The following CACNB4 variants were observed in gnomAD, a reference collection of about 807,000 sequenced individuals.
CACNB4 encodes the protein voltage-dependent L-type calcium channel subunit beta-4.
CACNB4 carries 32 observed loss-of-function variants against 71.2 expected under a neutral mutation model. That is an observed-to-expected ratio of 0.45 (90% CI 0.34 to 0.60). The LOEUF is 0.60. Ranked by LOEUF, CACNB4 falls within the 20% of genes least tolerant of loss-of-function variation. The pLI is 0.01. For missense variants in CACNB4, 464 were observed against 647.9 expected (o/e 0.72, Z 3.08); for synonymous variants, 231 against 236.9 (o/e 0.97, Z 0.23).
intron 10 of CACNB4, 63 bp downstream of exon 10, chr2:151,860,648 G>T: frequency 3.8e-6 from 4 of 1,064,624 alleles, no homozygotes; most frequent in South Asian, 2.5e-5. Flanking sequence ...ATTCACAAAT[G>T]CACCATGTGT....
chr2:151,949,279 C>A (rs957028551), intron 2 of CACNB4, among the ~76,000 whole-genome samples: 3 of 151,684 alleles, frequency 2.0e-5, no homozygotes, highest in Non-Finnish European at 4.4e-5. Context: ...TTTCTTTTTG[C>A]CAAGCAAGGC....
chr2:152,094,714 T>G (rs1688172452), intron 2 of CACNB4, among the ~76,000 whole-genome samples: 1 of 152,234 alleles, frequency 6.6e-6, no homozygotes, highest in African/African-American at 2.4e-5. Context: ...AGGGGCTGTG[T>G]CTCATCCATC....
intron 2 of CACNB4, among the ~76,000 whole-genome samples, chr2:152,080,541 A>C (rs1450039298): frequency 6.6e-6 from 1 of 152,224 alleles, no homozygotes; most frequent in Non-Finnish European, 1.5e-5. Context: ...TGGACATTGA[A>C]AAATCTCATA....
chr2:151,854,119 G>T (rs2099839682), intron 11 of CACNB4: 2 of 152,598 alleles, frequency 1.3e-5, no homozygotes, highest in African/African-American at 2.4e-5. Context: ...GTCATATACT[G>T]CCATGTCCCG....
At position 151,874,596 on chromosome 2, in the gene CACNB4, T is replaced by G. The variant is rs745654542; in HGVS notation, c.521+1830A>C. On this transcript the variant is annotated intron_variant, in intron 5 of 13. Transcript: ENST00000539935. ...ATTAAAAGTGGGGTAACTATACTTT[T>G]GTGATCTCCTATTACAGTTGGTGCG... Among the ~76,000 whole-genome samples the G allele has an allele frequency of 2.6e-4, 40 of 152,326 alleles. 1 individual carries two copies. Among genetic ancestry groups the G allele is most frequent in the Middle Eastern group, 6.8e-3 (2 of 294 alleles).
chr2:151,905,177 G>A (rs1443011736), intron 2 of CACNB4, among the ~76,000 whole-genome samples: 2 of 152,126 alleles, frequency 1.3e-5, no homozygotes, highest in African/African-American at 4.8e-5. Flanking sequence ...CCCAAAGAAG[G>A]AGAAAACAGA....
intron 2 of CACNB4, among the ~76,000 whole-genome samples, chr2:151,975,627 C>T (rs1340765950): frequency 1.3e-5 from 2 of 152,054 alleles, no homozygotes; most frequent in African/African-American, 4.8e-5. Context: ...GGAGAAAGTC[C>T]CTGGCCACGT....
chr2:151,902,371 T>C (rs1460111617), intron 2 of CACNB4, among the ~76,000 whole-genome samples: 2 of 152,098 alleles, frequency 1.3e-5, no homozygotes, highest in African/African-American at 4.8e-5. Flanking sequence ...GAGAACTCTA[T>C]AGCAAAATGC....
chr2:152,027,934 G>T (rs1344048945), intron 2 of CACNB4, among the ~76,000 whole-genome samples: 1 of 149,936 alleles, frequency 6.7e-6, no homozygotes, highest in African/African-American at 2.5e-5. Flanking sequence ...CTGAGAGCCT[G>T]CCCAGCTCTC....
chr2:151,893,627 A>G (rs2099851306), intron 2 of CACNB4, among the ~76,000 whole-genome samples: 1 of 152,170 alleles, frequency 6.6e-6, no homozygotes, highest in African/African-American at 2.4e-5. Flanking sequence ...TAAAAGATAT[A>G]TATGTATATA....
At chr2:151,873,087 AAAT>A (rs964507373) in intron 5 of CACNB4, 6 of 152,318 alleles carry the variant, frequency 3.9e-5, no homozygotes, top group Admixed American at 3.3e-4. Flanking sequence ...AACAATTAAG[AAAT>A]AATAATAACA....
chr2:151,954,449 G>A (rs182597409), intron 2 of CACNB4, among the ~76,000 whole-genome samples: 4 of 152,330 alleles, frequency 2.6e-5, no homozygotes, highest in Admixed American at 1.3e-4. Flanking sequence ...ATTGCCAAGA[G>A]TGAGAAAAAC....
At chr2:152,095,157 TG>T (rs1418963794) in intron 2 of CACNB4, among the ~76,000 whole-genome samples, 3 of 152,128 alleles carry the variant, frequency 2.0e-5, no homozygotes, top group Non-Finnish European at 4.4e-5. Flanking sequence ...CCCTCCTAAA[TG>T]GTGGAAGCCA....
intron 2 of CACNB4, among the ~76,000 whole-genome samples, chr2:152,045,646 G>T (rs1342830293): frequency 6.6e-6 from 1 of 152,014 alleles, no homozygotes; most frequent in Non-Finnish European, 1.5e-5. Flanking sequence ...GAATGAAAAG[G>T]TGGATCAAAG....
At chr2:152,006,612 T>C (rs1032081472) in intron 2 of CACNB4, among the ~76,000 whole-genome samples, 1 of 151,758 alleles carries the variant, frequency 6.6e-6, no homozygotes, top group Admixed American at 6.6e-5. Context: ...GCCAGGCGGG[T>C]TTCAAACTCC....
chr2:151,963,823 T>C (rs1261428433), intron 2 of CACNB4, among the ~76,000 whole-genome samples: 1 of 152,070 alleles, frequency 6.6e-6, no homozygotes, highest in Non-Finnish European at 1.5e-5. Flanking sequence ...ATCCCAGCAC[T>C]TTGGGAGGCC....
chr2:152,001,684 G>A (rs1479950926), intron 2 of CACNB4, among the ~76,000 whole-genome samples: 1 of 150,102 alleles, frequency 6.7e-6, no homozygotes, highest in Non-Finnish European at 1.5e-5. Flanking sequence ...CTGCACTTCA[G>A]CCTGGGCAAC....
At chr2:152,067,344 T>C (rs1241191197) in intron 2 of CACNB4, among the ~76,000 whole-genome samples, 1 of 151,010 alleles carries the variant, frequency 6.6e-6, no homozygotes, top group African/African-American at 2.4e-5. Context: ...AGTGGTCAGT[T>C]TGATAATGTA....
At chr2:151,976,546 A>G (rs2099873836) in intron 2 of CACNB4, among the ~76,000 whole-genome samples, 1 of 152,216 alleles carries the variant, frequency 6.6e-6, no homozygotes, top group African/African-American at 2.4e-5. Flanking sequence ...TAAAAATCAG[A>G]TCACAGGTTG....
Sources: allele counts gnomAD v4.1 joint callset (sites outside exome capture counted in the v4.1 genomes callset), GRCh38; gene constraint gnomAD v4.1.1; transcripts MANE v1.5; gene names NCBI Gene and HGNC (gene_info 2026-07-23, HGNC 2026-07-21).